OLFM3: variants seen among roughly 807,000 people sequenced by gnomAD.
OLFM3 encodes olfactomedin 3.
OLFM3 carries 20 observed loss-of-function variants against 48.6 expected under a neutral mutation model. The observed-to-expected ratio is 0.41, with a 90% CI of 0.29 to 0.60. The LOEUF is 0.60. OLFM3 is among the 20% of genes least tolerant of loss of function. The probability of loss-of-function intolerance (pLI) is 0.28; values close to 1 mark genes in which losing one functional copy is unlikely to be tolerated. For missense variants in OLFM3, 437 were observed against 544.3 expected (o/e 0.80, Z 1.96); for synonymous variants, 222 against 198.1 (o/e 1.12, Z -1.01).
chr1:101,832,884 G>A (rs541186919), intron 2 of OLFM3, among the ~76,000 whole-genome samples: 1 of 152,200 alleles, frequency 6.6e-6, no homozygotes, highest in East Asian at 1.9e-4. Context: ...AAATTACTAA[G>A]ACAACATTGG....
Position 101,850,835 on chromosome 1 carries a change from G to C in OLFM3, c.70-13810C>G, listed in dbSNP as rs190557615. ...AAAACAAAATTTAAATTTGTAAATG[G>C]CTTCAGGCAGAGGGGAAAGTGGCTT... On this transcript the variant is annotated intron_variant, in intron 1 of 5. Transcript: ENST00000370103. Among the ~76,000 whole-genome samples, 190 of 152,144 alleles carry C rather than the reference G, an allele frequency of 1.2e-3. 1 individual carries two copies. Among genetic ancestry groups the C allele is most frequent in the African/African-American group, 4.2e-3 (176 of 41,540 alleles).
chr1:101,805,646 A>G (rs928716341), intron 5 of OLFM3, among the ~76,000 whole-genome samples: 4 of 151,814 alleles, frequency 2.6e-5, no homozygotes, highest in African/African-American at 9.7e-5. Flanking sequence ...AAGCTTATTT[A>G]GTAAATTGGT....
Position 101,825,100 on chromosome 1 carries a change from G to A in OLFM3, c.518C>T (p.Ala173Val). Residue 173 changes from alanine to valine, a missense_variant, in exon 4 of 6, where the codon GCC (alanine) becomes GTC (valine). By Grantham distance (64) the Ala-to-Val change is moderately conservative. Transcript: ENST00000370103. The stretch of plus-strand genomic sequence containing the variant: ...TTGGTGTAGTTCCTCGTAGTCATAG[G>A]CACCAATTTCCTCCTGAATACCAGT... ...VLTGIQEEIG[A>V]YDYEELHQRV... 2 of 1,613,964 alleles carry A rather than the reference G, an allele frequency of 1.2e-6. No individual in the cohort carries two copies. The highest frequency in any genetic ancestry group is 1.7e-6 in the Non-Finnish European group (2 of 1,179,936).
intron 1 of OLFM3, among the ~76,000 whole-genome samples, chr1:101,941,368 A>T (rs1659790133): frequency 1.3e-5 from 2 of 152,088 alleles, no homozygotes; most frequent in Admixed American, 1.3e-4. Context: ...GTTTTCCTGG[A>T]TGGAATTTCT....
At chr1:101,996,674 T>A (rs952205610) in intron 1 of OLFM3, 74 bp downstream of exon 1, 4 of 1,487,320 alleles carry the variant, frequency 2.7e-6, no homozygotes, top group Non-Finnish European at 3.8e-6. Flanking sequence ...TTTTGACATA[T>A]TTATTTGCAT....
intron 1 of OLFM3, among the ~76,000 whole-genome samples, chr1:101,930,345 C>A: frequency 6.6e-6 from 1 of 152,132 alleles, no homozygotes. Flanking sequence ...ACAAAATACT[C>A]TGTGAGTTTT....
chr1:101,870,948 TAAAAAGAAAA>T (rs991068012), intron 1 of OLFM3, among the ~76,000 whole-genome samples: 11 of 151,108 alleles, frequency 7.3e-5, no homozygotes, highest in South Asian at 2.1e-4. Context: ...ACTCTTTTTT[TAAAAAGAAAA>T]AAAAAGAAAA....
At chr1:101,878,488 T>C (rs1334137862) in intron 1 of OLFM3, among the ~76,000 whole-genome samples, 1 of 151,904 alleles carries the variant, frequency 6.6e-6, no homozygotes, top group East Asian at 1.9e-4. Flanking sequence ...AAATTTATAT[T>C]CTACATCAGC....
chr1:101,835,429 T>C (rs1562188), intron 2 of OLFM3, among the ~76,000 whole-genome samples: 143,309 of 152,286 alleles, frequency 0.94, 67,881 homozygotes, highest in Non-Finnish European at 1. Context: ...ATTCTCCTGC[T>C]TCAGCCTCCT....
chr1:101,933,482 A>G (rs1479137812), intron 1 of OLFM3, among the ~76,000 whole-genome samples: 1 of 152,128 alleles, frequency 6.6e-6, no homozygotes, highest in East Asian at 1.9e-4. Context: ...GACCAAATCA[A>G]TGATTCATTG....
chr1:101,832,814 C>T (rs1206689703), intron 2 of OLFM3, among the ~76,000 whole-genome samples: 2 of 152,136 alleles, frequency 1.3e-5, no homozygotes, highest in East Asian at 3.8e-4. Context: ...TCTTAATTTA[C>T]TAAAAGTTTA....
intron 1 of OLFM3, among the ~76,000 whole-genome samples, chr1:101,962,723 C>T (rs963659559): frequency 6.6e-6 from 1 of 152,072 alleles, no homozygotes; most frequent in Non-Finnish European, 1.5e-5. Context: ...AATATTCTTC[C>T]TCTTTCATCT....
chr1:101,844,307 A>T (rs953131422), intron 1 of OLFM3, among the ~76,000 whole-genome samples: 2 of 152,146 alleles, frequency 1.3e-5, no homozygotes, highest in African/African-American at 4.8e-5. Context: ...GGGAGATGAG[A>T]AAACATACTT....
At chr1:101,919,382 G>A (rs750180308) in intron 1 of OLFM3, among the ~76,000 whole-genome samples, 9 of 151,370 alleles carry the variant, frequency 5.9e-5, no homozygotes, top group Admixed American at 1.3e-4. Flanking sequence ...TTTTGCTCCC[G>A]TTATACGGAA....
Position 101,838,903 on chromosome 1 carries a change from T to C in OLFM3, c.70-1878A>G, listed in dbSNP as rs907220139. ...AGCAGAAGAGACACAATCTCCCGTA[T>C]ACTTTGTCCTAGGTTCTAGCTCATC... is the stretch of plus-strand genomic sequence containing the variant. On this transcript the variant is annotated intron_variant, in intron 1 of 5. Transcript: ENST00000370103. Among the ~76,000 whole-genome samples the C allele has an allele frequency of 2.0e-5, 3 of 152,264 alleles. No individual in the cohort carries two copies. The East Asian group carries it at 5.8e-4, about 29-fold the overall frequency.
chr1:101,994,765 T>TA (rs1037314988), intron 1 of OLFM3, among the ~76,000 whole-genome samples: 3 of 151,872 alleles, frequency 2.0e-5, no homozygotes, highest in South Asian at 2.1e-4. Context: ...TATCGTCTTT[T>TA]AAAAAAATCA....
chr1:101,859,094 G>T (rs548989443), intron 1 of OLFM3, among the ~76,000 whole-genome samples: 5 of 152,118 alleles, frequency 3.3e-5, no homozygotes, highest in African/African-American at 9.7e-5. Flanking sequence ...TGAGTAGCTT[G>T]CAGTGGGGGA....
rs192200708 is a variant in OLFM3, at chr1:101,878,779, G to C, written c.70-41754C>G. ...GCTTTAGAAAACAGAAGCAACCACA[G>C]TCCTTGAAAACTAATGAAGAATTAG... On this transcript the variant is annotated intron_variant, in intron 1 of 5. Transcript: ENST00000370103. Among the ~76,000 whole-genome samples, 460 of 152,002 alleles carry C rather than the reference G, an allele frequency of 3.0e-3. 2 individuals are homozygous for C. Among genetic ancestry groups the C allele is most frequent in the Middle Eastern group, 6.8e-3 (2 of 294 alleles).
intron 1 of OLFM3, among the ~76,000 whole-genome samples, chr1:101,888,386 AC>A (rs1381873233): frequency 2.6e-5 from 4 of 152,218 alleles, no homozygotes; most frequent in African/African-American, 9.6e-5. Flanking sequence ...CTTGACAAAA[AC>A]AAGAAGTGGG....
Sources: allele counts gnomAD v4.1 joint callset (sites outside exome capture counted in the v4.1 genomes callset), GRCh38; gene constraint gnomAD v4.1.1; transcripts MANE v1.5; gene names NCBI Gene and HGNC (gene_info 2026-07-23, HGNC 2026-07-21).